Variants in SPACA6 observed in about 807,000 individuals in gnomAD.
The protein encoded by SPACA6 is sperm acrosome associated 6, also known as sperm acrosome membrane-associated protein 6.
For missense variants in SPACA6, 8 were observed against 2.8 expected, an observed-to-expected ratio of 2.88 and a Z score of -1.34; for synonymous variants, 6 against 1.5, an observed-to-expected ratio of 4.05 and a Z score of -2.21.
chr19:51,712,904 T>C (rs2083549677), downstream of SPACA6, among the ~76,000 whole-genome samples: 2 of 152,070 alleles, frequency 1.3e-5, no homozygotes, highest in African/African-American at 4.8e-5. Flanking sequence ...GCTTGGTAAG[T>C]ACCCGTGAAT....
upstream of SPACA6, chr19:51,687,679 G>A (rs1215983586): frequency 6.6e-6 from 1 of 152,094 alleles, no homozygotes; most frequent in African/African-American, 2.4e-5. Context: ...GAGATGCACT[G>A]TTGAAAGCCC....
At chr19:51,690,639 C>G (rs1375018454), upstream of SPACA6, among the ~76,000 whole-genome samples, 2 of 152,076 alleles carry the variant, frequency 1.3e-5, no homozygotes, top group African/African-American at 4.8e-5. Context: ...AAGTCCAGAG[C>G]CTACCCCTTC....
downstream of SPACA6, chr19:51,712,413 TG>T (rs531782974): frequency 1.4e-3 from 206 of 152,336 alleles, no homozygotes; most frequent in African/African-American, 4.6e-3. Context: ...GAAATAGAAA[TG>T]GAACAGTTGT....
At chr19:51,693,223 C>G (rs2083390938), upstream of SPACA6, 1 of 626,754 alleles carries the variant, frequency 1.6e-6, no homozygotes, top group Non-Finnish European at 3.1e-6. Context: ...GACCCCCACC[C>G]CAGGGTCTAC....
intron 8 of SPACA6, chr19:51,704,870 G>GCTTTC: frequency 4.1e-6 from 1 of 242,512 alleles, no homozygotes; most frequent in Non-Finnish European, 7.2e-6. Context: ...CTCAGACCCA[G>GCTTTC]GAGTCCAGGC....
intron 2 of SPACA6, among the ~76,000 whole-genome samples, chr19:51,698,014 C>T (rs1239253816): frequency 6.6e-6 from 1 of 152,152 alleles, no homozygotes; most frequent in Non-Finnish European, 1.5e-5. Context: ...CTCATACAAT[C>T]ATTAAACGAT....
At chr19:51,685,326 C>G (rs1474027585), upstream of SPACA6, 1 of 152,134 alleles carries the variant, frequency 6.6e-6, no homozygotes, top group Non-Finnish European at 1.5e-5. Flanking sequence ...ATAGGTTGAG[C>G]ATCCCTTATC....
downstream of SPACA6, chr19:51,705,371 A>G (rs2083510636): frequency 2.9e-6 from 1 of 346,492 alleles, no homozygotes; most frequent in Non-Finnish European, 5.2e-6. Flanking sequence ...TGACATTTCC[A>G]TCTGCAGAAG....
upstream of SPACA6, among the ~76,000 whole-genome samples, chr19:51,684,483 C>G (rs2083319428): frequency 6.6e-6 from 1 of 152,124 alleles, no homozygotes; most frequent in African/African-American, 2.4e-5. Context: ...GATCTGTTGC[C>G]TCCCCACTTC....
intron 2 of SPACA6, among the ~76,000 whole-genome samples, chr19:51,698,393 T>C (rs908804902): frequency 6.6e-6 from 1 of 152,188 alleles, no homozygotes; most frequent in Non-Finnish European, 1.5e-5. Context: ...ACTCCACTTA[T>C]ACTCCCCTGG....
upstream of SPACA6, among the ~76,000 whole-genome samples, chr19:51,684,652 G>A (rs1205555665): frequency 6.6e-6 from 1 of 152,150 alleles, no homozygotes; most frequent in Non-Finnish European, 1.5e-5. Context: ...GGCCAAACTG[G>A]AAGAATTGTC....
Position 51,704,359 on chromosome 19 carries a change from G to C in SPACA6, c.820G>C (p.Glu274Gln), listed in dbSNP as rs1359058081. 5.0e-6 allele frequency: 2 copies of C among 400,880 alleles called. No homozygotes were observed. Among genetic ancestry groups the C allele is most frequent in the African/African-American group, 4.1e-5 (2 of 48,680 alleles). 24.8% of individuals were successfully genotyped at this position (400,880 alleles called of 1,614,324 possible). Residue 274 changes from glutamate (E) to glutamine (Q), a missense_variant, in exon 8 of 9, where the codon GAG (glutamate) becomes CAG (glutamine). Glu to Gln is a conservative substitution (Grantham distance 29). Coordinates refer to ENST00000637797, the MANE Select transcript of SPACA6 (RefSeq NM_001316972.2). ...GGCGCCGCGGGATGCCGAGCTGATC[G>C]AGCCCTGGAGGCCCAGCCTGGGCGA... is the stretch of plus-strand genomic sequence containing the variant. Reference protein sequence around the residue: ...RWAPRDAELIEPWRPSLGELL... With the variant: ...RWAPRDAELIQPWRPSLGELL...
chr19:51,693,966 A>G, intron 1 of SPACA6: 1 of 364,764 alleles, frequency 2.7e-6, no homozygotes, highest in Non-Finnish European at 4.9e-6. Flanking sequence ...AGAGGGGAAG[A>G]TGGAGACTCA....
downstream of SPACA6, among the ~76,000 whole-genome samples, chr19:51,708,970 C>T (rs1242863926): frequency 6.6e-6 from 1 of 152,024 alleles, no homozygotes; most frequent in South Asian, 2.1e-4. Flanking sequence ...GCCAGTGTAG[C>T]TGGAACAGGG....
At chr19:51,709,144 A>G (rs113220227), downstream of SPACA6, among the ~76,000 whole-genome samples, 9 of 151,266 alleles carry the variant, frequency 5.9e-5, 1 homozygote, top group African/African-American at 2.2e-4. Context: ...CTTGAGCTTG[A>G]GAGGTCAAGG....
intron 8 of SPACA6, chr19:51,704,867 C>G (rs2083504430): frequency 2.8e-6 from 1 of 361,968 alleles, no homozygotes; most frequent in South Asian, 1.4e-4. Flanking sequence ...TCCCTCAGAC[C>G]CAGGAGTCCA....
chr19:51,707,230 CT>C (rs57130350), downstream of SPACA6, among the ~76,000 whole-genome samples: 8,277 of 141,096 alleles, frequency 0.059, 235 homozygotes, highest in East Asian at 0.13. Flanking sequence ...CTCTCTCTCC[CT>C]TTTTTTTTTT....
chr19:51,713,112 G>A (rs935643032), downstream of SPACA6: 3 of 302,298 alleles, frequency 9.9e-6, no homozygotes, highest in East Asian at 1.6e-4. The surrounding 1 kb of genome is among the most constrained non-coding windows in gnomAD (Gnocchi z 4.5). Context: ...GAGGCTGGGG[G>A]AAAATAAATA....
chr19:51,709,531 CA>C (rs56170768), downstream of SPACA6, among the ~76,000 whole-genome samples: 836 of 54,456 alleles, frequency 0.015, 5 homozygotes, highest in African/African-American at 0.045. Context: ...AAAAAAAAGG[CA>C]AAAAAAAAAA....
Sources: gnomAD v4.1 joint callset for allele counts (sites outside exome capture counted in the v4.1 genomes callset) on GRCh38, gnomAD v4.1.1 for gene constraint, Gnocchi (gnomAD v3.1) non-coding constraint, MANE v1.5 for transcripts, NCBI Gene and HGNC (gene_info 2026-07-23, HGNC 2026-07-21) for gene names.